LMCD1: variants seen among roughly 807,000 people sequenced by gnomAD.
LMCD1 encodes the protein LIM and cysteine rich domains 1.
LMCD1 carries 32 observed loss-of-function variants against 42.7 expected under a neutral mutation model. That is an observed-to-expected ratio of 0.75 (90% CI 0.57 to 1.01). The LOEUF is 1.01. Among genes scored for constraint, LMCD1 ranks in the 50% least tolerant of loss-of-function variants. The probability of loss-of-function intolerance (pLI) is 0.00; values close to 1 mark genes in which losing one functional copy is unlikely to be tolerated. For synonymous variants in LMCD1, 178 were observed against 184.9 expected, an observed-to-expected ratio of 0.96 and a Z score of 0.30; for missense variants, 458 against 483.1, an observed-to-expected ratio of 0.95 and a Z score of 0.49.
In LMCD1 at chr3:8,570,526, C is replaced by T. The variant is rs1006413643; in HGVS notation, c.*2928C>T. The T allele has an allele frequency of 5.9e-5, 9 of 152,566 alleles. No homozygotes were observed. Among genetic ancestry groups the T allele is most frequent in the African/African-American group, 2.2e-4 (9 of 41,460 alleles). 9.5% of individuals were successfully genotyped at this position (152,566 alleles called of 1,614,324 possible). A position where few individuals can be genotyped will look rare whatever the true frequency, so the allele number is the denominator to read the frequency against. On this transcript the variant is annotated 3_prime_UTR_variant, in exon 6 of 6. Transcript: ENST00000157600. ...GACACCCACCCTTGCATTTGGAGCA[C>T]CTGAATCATCTCTGCCACTTGCCTT...
At chr3:8,538,216 A>C (rs915746065) in intron 3 of LMCD1, among the ~76,000 whole-genome samples, 3 of 152,122 alleles carry the variant, frequency 2.0e-5, no homozygotes, top group Non-Finnish European at 2.9e-5. Context: ...TACAATCTCA[A>C]CATGGGTAGA....
chr3:8,516,543 A>G (rs1694104739), intron 1 of LMCD1, among the ~76,000 whole-genome samples: 1 of 152,166 alleles, frequency 6.6e-6, no homozygotes, highest in African/African-American at 2.4e-5. Flanking sequence ...AAGGCCTTGA[A>G]TTCATCATAT....
chr3:8,536,635 T>C (rs1289791278), intron 2 of LMCD1, among the ~76,000 whole-genome samples: 1 of 152,228 alleles, frequency 6.6e-6, no homozygotes, highest in Non-Finnish European at 1.5e-5. Flanking sequence ...AAAACAATTT[T>C]AATAATTCTT....
chr3:8,564,953 A>G (rs182857296), intron 4 of LMCD1, among the ~76,000 whole-genome samples: 12 of 152,360 alleles, frequency 7.9e-5, no homozygotes, highest in Middle Eastern at 6.8e-3. Flanking sequence ...GCAGATATAT[A>G]AAACAATGTC....
chr3:8,557,019 G>A (rs1694942031), intron 4 of LMCD1, among the ~76,000 whole-genome samples: 1 of 152,142 alleles, frequency 6.6e-6, no homozygotes, highest in Non-Finnish European at 1.5e-5. Context: ...TGCTACAGAT[G>A]AGAAAACTGA....
intron 1 of LMCD1, among the ~76,000 whole-genome samples, chr3:8,529,216 CG>C (rs1229755593): frequency 6.6e-6 from 1 of 152,140 alleles, no homozygotes; most frequent in African/African-American, 2.4e-5. Flanking sequence ...TTGAAGATAG[CG>C]GGGTCTGTCT....
chr3:8,567,722 C>T lies in LMCD1; in HGVS notation c.*124C>T, dbSNP rs928352619. ...GTGAAATAAACAATGATTTGCTTTT[C>T]AGTGAGAATATATATATGAGATATA... On this transcript the variant is annotated 3_prime_UTR_variant, in exon 6 of 6. Coordinates refer to ENST00000157600, the MANE Select transcript of LMCD1 (RefSeq NM_014583.4). 24 of 928,280 alleles carry T rather than the reference C, an allele frequency of 2.6e-5. No homozygotes were observed. The highest frequency in any genetic ancestry group is 3.7e-5 in the Non-Finnish European group (23 of 614,348). The allele number at this position is 928,280 out of a possible 1,614,324, so 57.5% of individuals were successfully genotyped here. A position where few individuals can be genotyped will look rare whatever the true frequency, so the allele number is the denominator to read the frequency against.
Position 8,532,808 on chromosome 3 carries a change from C to G in LMCD1, c.114C>G (p.Phe38Leu), listed in dbSNP as rs762237204. The change falls in exon 2 of 6, where the codon TTC becomes TTG. Residue 38 changes from phenylalanine to leucine, a missense_variant. Physicochemically the swap from Phe to Leu is conservative, Grantham distance 22 (BLOSUM62 0). Coordinates refer to ENST00000157600, the MANE Select transcript of LMCD1 (RefSeq NM_014583.4). ...CLGCKGTCSG[F>L]EPHSWRKICK... is the part of the protein sequence containing the mutation. ...GATGCAAGGGGACGTGTTCGGGCTTCGAGCCACATTCATGGAGGTAACAGA... is the reference window on the plus strand; with the variant it reads ...GATGCAAGGGGACGTGTTCGGGCTTGGAGCCACATTCATGGAGGTAACAGA... 3 of 1,613,486 alleles carry G rather than the reference C, an allele frequency of 1.9e-6. No homozygotes were observed. Among genetic ancestry groups the G allele is most frequent in the East Asian group, 4.5e-5 (2 of 44,850 alleles).
intron 1 of LMCD1, among the ~76,000 whole-genome samples, chr3:8,514,558 C>G (rs1334705796): frequency 6.6e-6 from 1 of 152,048 alleles, no homozygotes. Flanking sequence ...AAATTTTGGG[C>G]AAAAATATTT....
intron 1 of LMCD1, among the ~76,000 whole-genome samples, chr3:8,504,123 C>A (rs541558884): frequency 6.6e-6 from 1 of 152,150 alleles, no homozygotes; most frequent in African/African-American, 2.4e-5. Context: ...TTTTTTTTAT[C>A]TCTTGGGACT....
intron 4 of LMCD1, among the ~76,000 whole-genome samples, chr3:8,556,659 A>T (rs1273538658): frequency 6.6e-6 from 1 of 152,144 alleles, no homozygotes. Context: ...TTGCAATTGG[A>T]ATGAACACAT....
rs979157324 is a variant in LMCD1, at chr3:8,570,784, T to C, written c.*3186T>C. ...TCCCTGTTGCACACACAGAAAAAAATTGAAACTGTTTTACCTTGCAGTCGA... is the reference window on the plus strand; with the variant it reads ...TCCCTGTTGCACACACAGAAAAAAACTGAAACTGTTTTACCTTGCAGTCGA... On this transcript the variant is annotated 3_prime_UTR_variant, in exon 6 of 6. Transcript: ENST00000157600. 6.6e-6 allele frequency: 1 copy of C among 152,194 alleles called. No individual in the cohort carries two copies. 9.4% of individuals were successfully genotyped at this position (152,194 alleles called of 1,614,324 possible). A position where few individuals can be genotyped will look rare whatever the true frequency, so the allele number is the denominator to read the frequency against.
intron 1 of LMCD1, among the ~76,000 whole-genome samples, chr3:8,525,539 T>C (rs1372315258): frequency 2.0e-5 from 3 of 152,208 alleles, no homozygotes; most frequent in African/African-American, 7.2e-5. Context: ...GGAAGGCAGT[T>C]ATCTCTTTGA....
In LMCD1 at chr3:8,501,836, T is replaced by G. The variant is rs966832242; in HGVS notation, c.-103T>G. 5 of 1,029,460 alleles carry G rather than the reference T, an allele frequency of 4.9e-6. No individual in the cohort carries two copies. The African/African-American group carries it at 5.0e-5, about 10-fold the overall frequency. 63.8% of individuals were successfully genotyped at this position (1,029,460 alleles called of 1,614,324 possible). A position where few individuals can be genotyped will look rare whatever the true frequency, so the allele number is the denominator to read the frequency against. On this transcript the variant is annotated 5_prime_UTR_variant, in exon 1 of 6. Coordinates refer to ENST00000157600, the MANE Select transcript of LMCD1 (RefSeq NM_014583.4). ...GCGCCTGGCTGCGCACAGAGCTCCCTCCCAGGCCCGCGAACTTGGCCATTC... is the reference window on the plus strand; with the variant it reads ...GCGCCTGGCTGCGCACAGAGCTCCCGCCCAGGCCCGCGAACTTGGCCATTC...
At chr3:8,521,346 T>A (rs1694199940) in intron 1 of LMCD1, among the ~76,000 whole-genome samples, 1 of 152,152 alleles carries the variant, frequency 6.6e-6, no homozygotes, top group Non-Finnish European at 1.5e-5. Flanking sequence ...CAATGAATCT[T>A]TGAATTTAGA....
chr3:8,524,362 G>C (rs1033444479), intron 1 of LMCD1, among the ~76,000 whole-genome samples: 8 of 152,282 alleles, frequency 5.3e-5, no homozygotes, highest in Non-Finnish European at 1.2e-4. Flanking sequence ...GCAGGGCAGA[G>C]GGTCTCAGTA....
At chr3:8,532,637 A>T in intron 1 of LMCD1, 100 bp from the exon 2 acceptor site, 1 of 966,992 alleles carries the variant, frequency 1.0e-6, no homozygotes. Context: ...TTTGAACCCC[A>T]CACAGTCCCT....
At chr3:8,548,034 G>C (rs1382415226) in intron 3 of LMCD1, among the ~76,000 whole-genome samples, 1 of 152,162 alleles carries the variant, frequency 6.6e-6, no homozygotes, top group Non-Finnish European at 1.5e-5. Flanking sequence ...TAACACAATG[G>C]TCAGTCAGTA....
rs564966321 is a variant in LMCD1, at chr3:8,567,790, G to A, written c.*192G>A. 2.6e-5 allele frequency: 11 copies of A among 419,926 alleles called. No homozygotes were observed. In the South Asian group the frequency reaches 9.6e-4, roughly 37 times the overall value. The allele number at this position is 419,926 out of a possible 1,614,324, so 26.0% of individuals were successfully genotyped here. ...GGTTGGGTGGTGGTAGATCCTTGAG[G>A]GTCAGTAGTTTCAAAACCAAAAATA... is the stretch of plus-strand genomic sequence containing the variant. On this transcript the variant is annotated 3_prime_UTR_variant, in exon 6 of 6. Transcript: ENST00000157600.
Sources: gnomAD v4.1 joint callset for allele counts (sites outside exome capture counted in the v4.1 genomes callset) on GRCh38, gnomAD v4.1.1 for gene constraint, MANE v1.5 for transcripts, NCBI Gene and HGNC (gene_info 2026-07-23, HGNC 2026-07-21) for gene names.